Variants in EPB41L4A observed in about 807,000 individuals in gnomAD.
EPB41L4A encodes the protein band 4.1-like protein 4A.
In EPB41L4A, 100 loss-of-function variants were observed where a neutral mutation model predicts 108.6. The observed-to-expected ratio is 0.92, with a 90% CI of 0.78 to 1.09. The LOEUF is 1.09. Among genes scored for constraint, EPB41L4A ranks in the 50% least tolerant of loss-of-function variants. The pLI, the probability that EPB41L4A is intolerant of heterozygous loss-of-function variation, is 0.00. For missense variants in EPB41L4A, 1,030 were observed against 842.7 expected (o/e 1.22, Z -2.75); for synonymous variants, 319 against 289.0 (o/e 1.10, Z -1.05).
At chr5:112,419,736 G>A, upstream of EPB41L4A, 1 of 456,778 alleles carries the variant, frequency 2.2e-6, no homozygotes, top group Admixed American at 2.3e-5. Flanking sequence ...GAAGAGAGGC[G>A]GAAAGGGCAG....
intron 1 of EPB41L4A, among the ~76,000 whole-genome samples, chr5:112,364,425 G>A (rs867286769): frequency 4.6e-5 from 7 of 152,130 alleles, no homozygotes; most frequent in Non-Finnish European, 8.8e-5. Flanking sequence ...CCTTGATCTG[G>A]AATTGCTGTG....
chr5:112,237,236 C>T (rs969287672), intron 11 of EPB41L4A, among the ~76,000 whole-genome samples: 8 of 152,120 alleles, frequency 5.3e-5, no homozygotes, highest in African/African-American at 9.7e-5. Flanking sequence ...ACAACAGTAA[C>T]AACAACAACA....
At chr5:112,361,542 T>G (rs1224427395) in intron 1 of EPB41L4A, among the ~76,000 whole-genome samples, 2 of 117,724 alleles carry the variant, frequency 1.7e-5, no homozygotes, top group Non-Finnish European at 3.7e-5. Flanking sequence ...AAAAAAAGAA[T>G]AAAAAGAAAA....
At chr5:112,415,102 C>G (rs974862542) in intron 1 of EPB41L4A, among the ~76,000 whole-genome samples, 1 of 152,000 alleles carries the variant, frequency 6.6e-6, no homozygotes, top group East Asian at 1.9e-4. Flanking sequence ...ATTTATTAGT[C>G]CAAATTGAAT....
At position 112,275,385 on chromosome 5, in the gene EPB41L4A, C is replaced by T; in HGVS notation, c.276G>A (p.Leu92=). ...ELINTGPPYT[L]YFGIKFYAED... ...CAGCATAGAATTTAATACCAAAATACAAAGTATATGGAGGTCCAGCTAAAA... is the reference window on the plus strand; with the variant it reads ...CAGCATAGAATTTAATACCAAAATATAAAGTATATGGAGGTCCAGCTAAAA... The change falls in exon 4 of 23, where the codon TTG becomes TTA. Residue 92 remains leucine (L), a synonymous_variant. Coordinates refer to ENST00000261486, the MANE Select transcript of EPB41L4A (RefSeq NM_022140.5). The T allele has an allele frequency of 6.5e-7, 1 of 1,547,364 alleles. No homozygotes were observed. Among genetic ancestry groups the T allele is most frequent in the Non-Finnish European group, 8.8e-7 (1 of 1,140,122 alleles).
At chr5:112,158,448 G>A, downstream of EPB41L4A, 1 of 429,848 alleles carries the variant, frequency 2.3e-6, no homozygotes, top group Non-Finnish European at 4.6e-6. Context: ...CATACCTAAG[G>A]GAACAAATAT....
intron 1 of EPB41L4A, among the ~76,000 whole-genome samples, chr5:112,368,382 CCT>C (rs1425914067): frequency 6.6e-6 from 1 of 152,110 alleles, no homozygotes; most frequent in Admixed American, 6.6e-5. Context: ...TCTGTTGTCC[CCT>C]CTCCCCTATT....
At chr5:112,412,644 G>T (rs1028701217) in intron 1 of EPB41L4A, among the ~76,000 whole-genome samples, 3 of 152,152 alleles carry the variant, frequency 2.0e-5, no homozygotes, top group Non-Finnish European at 4.4e-5. Context: ...ATGAAACGTG[G>T]AAACAAAACT....
chr5:112,176,789 C>T (rs1181370104), intron 18 of EPB41L4A, among the ~76,000 whole-genome samples: 2 of 114,464 alleles, frequency 1.7e-5, no homozygotes, highest in Non-Finnish European at 3.3e-5. Context: ...AGTTTCACTC[C>T]TGTTGCCCAG....
intron 1 of EPB41L4A, among the ~76,000 whole-genome samples, chr5:112,416,796 A>G (rs532037584): frequency 6.6e-6 from 1 of 152,348 alleles, no homozygotes; most frequent in African/African-American, 2.4e-5. Flanking sequence ...ACAGAACATA[A>G]ACATGTTCAT....
chr5:112,363,763 AG>A (rs1758936923), intron 1 of EPB41L4A: 1 of 152,176 alleles, frequency 6.6e-6, no homozygotes, highest in Non-Finnish European at 1.5e-5. Flanking sequence ...TTACAGTTTA[AG>A]ATTATTAACC....
intron 1 of EPB41L4A, among the ~76,000 whole-genome samples, chr5:112,364,793 T>G (rs939012301): frequency 6.6e-6 from 1 of 152,228 alleles, no homozygotes; most frequent in South Asian, 2.1e-4. Flanking sequence ...AGTTCATAAT[T>G]TGAATCTCTA....
chr5:112,332,064 A>G (rs2150668037), intron 1 of EPB41L4A, among the ~76,000 whole-genome samples: 1 of 152,346 alleles, frequency 6.6e-6, no homozygotes, highest in African/African-American at 2.4e-5. Context: ...AATCTAAGGG[A>G]TCTGGTGTGT....
intron 1 of EPB41L4A, among the ~76,000 whole-genome samples, chr5:112,388,052 T>G (rs1394307986): frequency 6.6e-6 from 1 of 152,132 alleles, no homozygotes; most frequent in African/African-American, 2.4e-5. Flanking sequence ...CTAGGGGCCA[T>G]GGCACAGAGA....
At chr5:112,263,491 TGA>T (rs1751635008) in intron 6 of EPB41L4A, 1 of 152,168 alleles carries the variant, frequency 6.6e-6, no homozygotes, top group Non-Finnish European at 1.5e-5. Context: ...CTAAAACACA[TGA>T]GAGCCTTTAC....
chr5:112,319,028 T>C (rs1428325238), intron 1 of EPB41L4A, among the ~76,000 whole-genome samples: 2 of 152,140 alleles, frequency 1.3e-5, no homozygotes, highest in Non-Finnish European at 2.9e-5. Context: ...AACACCTCAA[T>C]AGCAATGACC....
intron 2 of EPB41L4A, among the ~76,000 whole-genome samples, chr5:112,284,836 C>T (rs1036569969): frequency 6.6e-6 from 1 of 152,148 alleles, no homozygotes. Context: ...CAATGACAGA[C>T]CCTTCTTACT....
At chr5:112,404,704 C>A (rs747771510) in intron 1 of EPB41L4A, among the ~76,000 whole-genome samples, 1 of 152,154 alleles carries the variant, frequency 6.6e-6, no homozygotes, top group Non-Finnish European at 1.5e-5. Flanking sequence ...CTGATTATTT[C>A]TCAAAGCATA....
chr5:112,344,219 TTAAACAA>T (rs1197459668), intron 1 of EPB41L4A, among the ~76,000 whole-genome samples: 2 of 152,200 alleles, frequency 1.3e-5, no homozygotes, highest in African/African-American at 4.8e-5. Context: ...TAAACTTTAA[TTAAACAA>T]GAGTAAAAAT....
Sources: allele counts gnomAD v4.1 joint callset (sites outside exome capture counted in the v4.1 genomes callset), GRCh38; gene constraint gnomAD v4.1.1; transcripts MANE v1.5; gene names NCBI Gene and HGNC (gene_info 2026-07-23, HGNC 2026-07-21).